The following KCNQ1OT1 variants were observed in gnomAD, a reference collection of about 807,000 sequenced individuals.
KCNQ1OT1 encodes the protein KCNQ1 opposite strand/antisense transcript 1.
At chr11:2,618,353 T>G in exon 1 of KCNQ1OT1, 1 of 398,532 alleles carries the variant, frequency 2.5e-6, no homozygotes, top group Admixed American at 4.4e-5. Flanking sequence ...GTTTACAAAT[T>G]TGTGTTGGGC....
exon 1 of KCNQ1OT1, chr11:2,631,821 G>C: frequency 2.5e-6 from 1 of 398,558 alleles, no homozygotes; most frequent in Middle Eastern, 6.3e-4. Context: ...TGAGTGTCCT[G>C]ATGCTGTCGT....
exon 1 of KCNQ1OT1, chr11:2,632,414 C>T (rs1013938151): frequency 3.0e-5 from 12 of 398,238 alleles, no homozygotes; most frequent in African/African-American, 2.5e-4. Flanking sequence ...AATATAATGG[C>T]TAAAATGCGC....
In KCNQ1OT1 at chr11:2,645,971, C is replaced by T; in HGVS notation, n.54024G>A. 1 of 398,624 alleles carries T rather than the reference C, an allele frequency of 2.5e-6. No homozygotes were observed. Among genetic ancestry groups the T allele is most frequent in the Non-Finnish European group, 4.4e-6 (1 of 226,094 alleles). 24.7% of individuals were successfully genotyped at this position (398,624 alleles called of 1,614,324 possible). ...ATCTATGGGTCAGGGGGTTCTCTGA[C>T]TAGGATTTCAGGAGTCTGCTGTGGG... On this transcript the variant is annotated non_coding_transcript_exon_variant, in exon 1 of 1. Coordinates refer to ENST00000597346, the Ensembl canonical transcript of KCNQ1OT1. This position sits in a 1 kb window ranked among gnomAD's most constrained non-coding sequence, Gnocchi z 5.8.
At chr11:2,675,431 TTAAAA>T (rs1434725539) in exon 1 of KCNQ1OT1, 7 of 398,470 alleles carry the variant, frequency 1.8e-5, no homozygotes, top group Middle Eastern at 1.2e-3. Context: ...TCATTTTGCG[TTAAAA>T]TAAAAGATGA....
chr11:2,676,449 G>A lies in KCNQ1OT1; in HGVS notation n.23546C>T. 1 of 398,672 alleles carries A rather than the reference G, an allele frequency of 2.5e-6. No individual in the cohort carries two copies. The highest frequency in any genetic ancestry group is 4.4e-6 in the Non-Finnish European group (1 of 226,090). 24.7% of individuals were successfully genotyped at this position (398,672 alleles called of 1,614,324 possible). A position where few individuals can be genotyped will look rare whatever the true frequency, so the allele number is the denominator to read the frequency against. On this transcript the variant is annotated non_coding_transcript_exon_variant, in exon 1 of 1. Coordinates refer to ENST00000597346, the Ensembl canonical transcript of KCNQ1OT1. This position sits in a 1 kb window ranked among gnomAD's most constrained non-coding sequence, Gnocchi z 4.2. ...TTTTCCCAGATAGGACATGCTCACT[G>A]TTCTGCTCAGATTGTTAGCTGTAGT...
At chr11:2,681,940 A>G (rs983052598) in exon 1 of KCNQ1OT1, 1 of 398,482 alleles carries the variant, frequency 2.5e-6, no homozygotes, top group Non-Finnish European at 4.4e-6. Context: ...ATAATCTTCA[A>G]ATGATACTAC....
At chr11:2,662,200 C>A in exon 1 of KCNQ1OT1, 1 of 1,390,362 alleles carries the variant, frequency 7.2e-7, no homozygotes, top group Non-Finnish European at 1.0e-6. Context: ...GCCTAGTGCC[C>A]ACCACTTGCC....
In KCNQ1OT1 at chr11:2,673,912, G is replaced by A. The variant is rs1171166761; in HGVS notation, n.26083C>T. On this transcript the variant is annotated non_coding_transcript_exon_variant, in exon 1 of 1. Coordinates refer to ENST00000597346, the Ensembl canonical transcript of KCNQ1OT1. The surrounding 1 kb of genome is among the most constrained non-coding windows in gnomAD (Gnocchi z 4.5). ...AAGGGATGGGAGCTCAGCTCACCGG[G>A]TGCTAGACAAGGGAGTGTGTCTCTT... 2 of 397,344 alleles carry A rather than the reference G, an allele frequency of 5.0e-6. No homozygotes were observed. Among genetic ancestry groups the A allele is most frequent in the Non-Finnish European group, 8.9e-6 (2 of 225,914 alleles). The allele number at this position is 397,344 out of a possible 1,614,324, so 24.6% of individuals were successfully genotyped here.
chr11:2,616,831 A>G (rs1015573409), exon 1 of KCNQ1OT1: 3 of 398,154 alleles, frequency 7.5e-6, no homozygotes, highest in Admixed American at 4.4e-5. Flanking sequence ...GGAATGTTCC[A>G]TGTGCACTTG....
At chr11:2,618,913 T>A (rs185009170) in exon 1 of KCNQ1OT1, 52 of 398,370 alleles carry the variant, frequency 1.3e-4, no homozygotes, top group Non-Finnish European at 4.0e-5. Context: ...CTAAATTTAT[T>A]CCTAAGCAAT....
Position 2,620,366 on chromosome 11 carries a change from G to A in KCNQ1OT1, n.79629C>T, listed in dbSNP as rs1349829876. On this transcript the variant is annotated non_coding_transcript_exon_variant, in exon 1 of 1. Coordinates refer to ENST00000597346, the Ensembl canonical transcript of KCNQ1OT1. This position sits in a 1 kb window ranked among gnomAD's most constrained non-coding sequence, Gnocchi z 4.5. ...TGAGTAGCTGGGATTAGAGGCATGCGCCACCACGTCCAGCTAATTTTGTAG... is the reference window on the plus strand; with the variant it reads ...TGAGTAGCTGGGATTAGAGGCATGCACCACCACGTCCAGCTAATTTTGTAG... 10 of 206,300 alleles carry A rather than the reference G, an allele frequency of 4.8e-5. No individual in the cohort carries two copies. The highest frequency in any genetic ancestry group is 1.4e-4 in the African/African-American group (6 of 43,314). The allele number at this position is 206,300 out of a possible 1,614,324, so 12.8% of individuals were successfully genotyped here. A position where few individuals can be genotyped will look rare whatever the true frequency, so the allele number is the denominator to read the frequency against.
chr11:2,666,044 A>G, exon 1 of KCNQ1OT1: 1 of 398,614 alleles, frequency 2.5e-6, no homozygotes, highest in Non-Finnish European at 4.4e-6. Flanking sequence ...CCTGAGATAG[A>G]CGGCCCAAGA....
At chr11:2,681,711 T>C (rs966386710) in exon 1 of KCNQ1OT1, 11 of 397,518 alleles carry the variant, frequency 2.8e-5, no homozygotes, top group Non-Finnish European at 4.9e-5. Context: ...CATGTGTCTG[T>C]TCCTCTATTC....
chr11:2,633,295 T>A, exon 1 of KCNQ1OT1: 1 of 398,546 alleles, frequency 2.5e-6, no homozygotes, highest in East Asian at 3.6e-5. Context: ...TAATCCCTTG[T>A]CAGATGAATA....
exon 1 of KCNQ1OT1, chr11:2,684,394 T>A (rs1023839281): frequency 9.3e-5 from 37 of 398,504 alleles, no homozygotes; most frequent in Non-Finnish European, 1.6e-4. Context: ...GTGGGGTCCA[T>A]CCCCCTGATT....
At chr11:2,633,741 A>T in exon 1 of KCNQ1OT1, 1 of 398,472 alleles carries the variant, frequency 2.5e-6, no homozygotes, top group Non-Finnish European at 4.4e-6. Context: ...TTTTATGCCC[A>T]TTGCATGCTA....
At chr11:2,633,150 A>C in exon 1 of KCNQ1OT1, 1 of 398,420 alleles carries the variant, frequency 2.5e-6, no homozygotes. Flanking sequence ...TTTGACTTGC[A>C]TTTCTGTGAT....
rs1850311538 is a variant in KCNQ1OT1, at chr11:2,677,340, G to C, written n.22655C>G. ...ATGATGTCAAATGATTTCTCAAATA[G>C]AGACTGGGCAGAGTAGACCAGTTAG... On this transcript the variant is annotated non_coding_transcript_exon_variant, in exon 1 of 1. Coordinates refer to ENST00000597346, the Ensembl canonical transcript of KCNQ1OT1. This position sits in a 1 kb window ranked among gnomAD's most constrained non-coding sequence, Gnocchi z 4.5. 7.5e-6 allele frequency: 3 copies of C among 398,504 alleles called. No homozygotes were observed. Among genetic ancestry groups the C allele is most frequent in the East Asian group, 7.1e-5 (2 of 28,078 alleles). 24.7% of individuals were successfully genotyped at this position (398,504 alleles called of 1,614,324 possible).
exon 1 of KCNQ1OT1, chr11:2,619,182 G>A (rs556771548): frequency 3.1e-4 from 124 of 398,396 alleles, no homozygotes; most frequent in Non-Finnish European, 5.0e-4. Flanking sequence ...TTTCTTGTCT[G>A]TTTGGTTGTA....
Sources: gnomAD v4.1 joint callset for allele counts on GRCh38, gnomAD v4.1.1 for gene constraint, Gnocchi (gnomAD v3.1) non-coding constraint, MANE v1.5 for transcripts, NCBI Gene and HGNC (gene_info 2026-07-23, HGNC 2026-07-21) for gene names.